Variants in RIF1 observed in about 807,000 individuals in gnomAD.
RIF1 encodes telomere-associated protein RIF1.
RIF1 carries 45 observed loss-of-function variants against 247.1 expected under a neutral mutation model. That is an observed-to-expected ratio of 0.18 (90% CI 0.14 to 0.23). The LOEUF (loss-of-function observed/expected upper bound fraction) is 0.23, where lower values mean the gene tolerates loss of function less well. Among genes scored for constraint, RIF1 ranks in the 10% least tolerant of loss-of-function variants. The pLI, the probability that RIF1 is intolerant of heterozygous loss-of-function variation, is 1.00. For synonymous variants in RIF1, 1,087 were observed against 978.8 expected (o/e 1.11, Z -2.06); for missense variants, 2,967 against 2,862.5 (o/e 1.04, Z -0.83).
chr2:151,431,793 G>GAATGAATGAA (rs1347683153), intron 9 of RIF1, among the ~76,000 whole-genome samples: 15 of 151,784 alleles, frequency 9.9e-5, no homozygotes, highest in African/African-American at 3.4e-4. Flanking sequence ...ATGAATGAAT[G>GAATGAATGAA]AATGAATGAA....
intron 30 of RIF1, among the ~76,000 whole-genome samples, chr2:151,466,869 A>G (rs184301311): frequency 1.3e-5 from 2 of 152,366 alleles, no homozygotes; most frequent in Admixed American, 1.3e-4. Context: ...TTTTATATAT[A>G]CAAGCATGAA....
intron 9 of RIF1, among the ~76,000 whole-genome samples, chr2:151,429,264 C>T (rs1689636462): frequency 6.6e-6 from 1 of 151,842 alleles, no homozygotes; most frequent in Non-Finnish European, 1.5e-5. Flanking sequence ...CACTGCGACC[C>T]CCGCCTCCCA....
intron 12 of RIF1, 111 bp from the exon 13 acceptor site, chr2:151,437,128 CTT>C (rs367747101): frequency 9.1e-6 from 11 of 1,213,892 alleles, no homozygotes; most frequent in African/African-American, 3.1e-5. Context: ...AAATATGAAT[CTT>C]TTTTTTATAG....
intron 14 of RIF1, 21 bp from the exon 15 acceptor site, chr2:151,440,006 C>T (rs751490116): frequency 3.8e-6 from 3 of 787,404 alleles, no homozygotes; most frequent in Non-Finnish European, 6.2e-6. Flanking sequence ...GAACTATACC[C>T]TTCTTTTTGC....
chr2:151,458,200 G>A (rs1051849962), intron 24 of RIF1, among the ~76,000 whole-genome samples: 12 of 148,134 alleles, frequency 8.1e-5, no homozygotes, highest in Admixed American at 2.7e-4. Context: ...CTTAATAAAA[G>A]AGACAAGGAG....
chr2:151,513,760 G>C, the RIF1 span: 1 of 1,115,272 alleles, frequency 9.0e-7, no homozygotes, highest in Non-Finnish European at 1.3e-6. Context: ...AACATACAGG[G>C]TGAATGTAAA....
chr2:151,453,952 C>T (rs1050944542), intron 21 of RIF1, among the ~76,000 whole-genome samples: 1 of 152,098 alleles, frequency 6.6e-6, no homozygotes, highest in African/African-American at 2.4e-5. Flanking sequence ...GTTTTCATTA[C>T]CCTCAATGTA....
At chr2:151,503,384 C>T in intron 12 of RIF1, 2 of 1,612,764 alleles carry the variant, frequency 1.2e-6, no homozygotes, top group Non-Finnish European at 1.7e-6. Flanking sequence ...TTGACTCTCT[C>T]AATCTCTGGA....
the RIF1 span, chr2:151,519,101 G>T: frequency 7.3e-7 from 1 of 1,372,420 alleles, no homozygotes; most frequent in Non-Finnish European, 1.0e-6. Context: ...AGGAAATCAC[G>T]TAAATAGGAA....
chr2:151,491,661 A>C (rs1559129013), intron 9 of RIF1: 1 of 1,527,202 alleles, frequency 6.5e-7, no homozygotes, highest in African/African-American at 1.4e-5. Flanking sequence ...TTTATGTTGT[A>C]AGCCTTTTTC....
intron 33 of RIF1, 61 bp from the exon 34 acceptor site, chr2:151,469,650 C>G: frequency 7.9e-7 from 1 of 1,263,774 alleles, no homozygotes; most frequent in Non-Finnish European, 1.1e-6. Context: ...TGGATAAACC[C>G]TTGCAAATAG....
At chr2:151,497,088 G>GAA in intron 10 of RIF1, 1 of 1,533,796 alleles carries the variant, frequency 6.5e-7, no homozygotes, top group East Asian at 2.4e-5. Context: ...TTCATTTGTT[G>GAA]AAAGGTTTTA....
chr2:151,444,713 A>T (rs188021133), intron 18 of RIF1, among the ~76,000 whole-genome samples: 1 of 152,284 alleles, frequency 6.6e-6, no homozygotes, highest in African/African-American at 2.4e-5. Flanking sequence ...AATGATCCAG[A>T]GGCCCTTTTT....
rs765616311 is a variant in RIF1 at position 151,465,464 on chromosome 2, G to C, written c.5944G>C (p.Val1982Leu). 19 of 1,614,062 alleles carry C rather than the reference G, an allele frequency of 1.2e-5. No individual in the cohort carries two copies. The East Asian group carries it at 3.3e-4, about 28-fold the overall frequency. The part of the protein sequence containing the change: ...DISLSDNTTP[V>L]KLNAQTEISE... The stretch of plus-strand genomic sequence containing the variant: ...TAGTCTTTCTGATAATACTACACCT[G>C]TAAAATTGAATGCTCAAACTGAGAT... The change falls in exon 30 of 36, where the codon GTA becomes CTA. Residue 1982 changes from valine (V) to leucine (L), a missense_variant. Val to Leu is a conservative substitution (Grantham distance 32, BLOSUM62 1). Around this residue, in one of 7 missense-constraint regions of RIF1, gnomAD observed 2,028 missense variants for 1,825.6 expected, o/e 1.11. Coordinates refer to ENST00000444746, the MANE Select transcript of RIF1 (RefSeq NM_018151.5).
intron 3 of RIF1, among the ~76,000 whole-genome samples, chr2:151,412,711 G>C (rs1040957327): frequency 3.3e-5 from 5 of 152,224 alleles, no homozygotes; most frequent in Middle Eastern, 3.4e-3. Context: ...TTGAACTCTT[G>C]ACCTCAGGTG....
chr2:151,416,270 T>TA (rs1164234346), intron 4 of RIF1, among the ~76,000 whole-genome samples: 2 of 152,220 alleles, frequency 1.3e-5, no homozygotes, highest in Non-Finnish European at 2.9e-5. Flanking sequence ...GAAAACATCT[T>TA]ACCAAAAATT....
At chr2:151,531,302 T>G in the RIF1 span, among the ~76,000 whole-genome samples, 5 of 145,846 alleles carry the variant, frequency 3.4e-5, no homozygotes, top group African/African-American at 5.0e-5. Context: ...CTCTCTTTTT[T>G]TCTTTCTTTT....
intron 9 of RIF1, among the ~76,000 whole-genome samples, chr2:151,489,157 A>C (rs1285505797): frequency 6.6e-6 from 1 of 152,204 alleles, no homozygotes; most frequent in Non-Finnish European, 1.5e-5. Context: ...TAGGTCTAAC[A>C]CTTATTTAGA....
At chr2:151,432,842 A>G (rs1690426422) in intron 9 of RIF1, among the ~76,000 whole-genome samples, 1 of 152,154 alleles carries the variant, frequency 6.6e-6, no homozygotes, top group African/African-American at 2.4e-5. Flanking sequence ...TCTAATAAAT[A>G]TTACTTATTT....
Sources: gnomAD v4.1 joint callset for allele counts (sites outside exome capture counted in the v4.1 genomes callset) on GRCh38, gnomAD v4.1.1 for gene constraint, gnomAD v4.1.1 regional missense constraint, MANE v1.5 for transcripts, NCBI Gene and HGNC (gene_info 2026-07-23, HGNC 2026-07-21) for gene names.